Variants in TAF1B observed in about 807,000 individuals in gnomAD.
TAF1B encodes TATA-box binding protein associated factor, RNA polymerase I subunit B.
A neutral mutation model predicts 83.9 loss-of-function variants in TAF1B; 61 were observed. That is an observed-to-expected ratio of 0.73 (90% CI 0.59 to 0.90). The LOEUF is 0.90. Ranked by LOEUF, TAF1B falls within the 40% of genes least tolerant of loss-of-function variation. The probability of loss-of-function intolerance (pLI) is 0.00; values close to 1 mark genes in which losing one functional copy is unlikely to be tolerated. For missense variants in TAF1B, 625 were observed against 677.0 expected (o/e 0.92, Z 0.85); for synonymous variants, 221 against 224.6 (o/e 0.98, Z 0.14).
At chr2:9,861,327 T>TG (rs1437384703) in intron 5 of TAF1B, among the ~76,000 whole-genome samples, 1 of 152,244 alleles carries the variant, frequency 6.6e-6, no homozygotes, top group Non-Finnish European at 1.5e-5. Flanking sequence ...GAGGGTGCTA[T>TG]GCCCATGGAG....
intron 8 of TAF1B, among the ~76,000 whole-genome samples, chr2:9,887,591 C>A (rs1034146357): frequency 6.6e-6 from 1 of 151,794 alleles, no homozygotes; most frequent in South Asian, 2.1e-4. Flanking sequence ...TTTTTCCAAT[C>A]TTTTATTTTT....
rs1177885587 is a variant in TAF1B, at chr2:9,931,341, G to A, written c.1566-2442G>A. On this transcript the variant is annotated intron_variant, in intron 14 of 14. Coordinates refer to ENST00000263663, the MANE Select transcript of TAF1B (RefSeq NM_005680.3). ...TTTCCATGTTTAGTGCTTCCTTCAG[G>A]AGCTCTTGTAAGGCAGGCCTGGTGG... Among the ~76,000 whole-genome samples the A allele has an allele frequency of 4.6e-5, 7 of 152,094 alleles. No individual in the cohort carries two copies. In the East Asian group the frequency reaches 1.3e-3, roughly 29 times the overall value.
intron 2 of TAF1B, chr2:9,845,741 G>T: frequency 4.0e-6 from 1 of 251,812 alleles, no homozygotes; most frequent in Non-Finnish European, 7.8e-6. Flanking sequence ...CCAGCACTTT[G>T]GGAGGCTAAG....
intron 3 of TAF1B, 116 bp from the exon 4 acceptor site, chr2:9,851,425 T>C (rs62129897): frequency 2.6e-6 from 2 of 762,142 alleles, no homozygotes; most frequent in Non-Finnish European, 4.0e-6. Flanking sequence ...TCTGGGTTAA[T>C]TGAAAAAAAA....
At position 9,933,827 on chromosome 2, in the gene TAF1B, T is replaced by C. The variant is rs752383917; in HGVS notation, c.1610T>C (p.Leu537Pro). The C allele has an allele frequency of 6.2e-7, 1 of 1,613,822 alleles. No homozygotes were observed. Among genetic ancestry groups the C allele is most frequent in the Non-Finnish European group, 8.5e-7 (1 of 1,179,862 alleles). The change falls in exon 15 of 15, where the codon CTG (leucine) becomes CCG (proline). Residue 537 changes from leucine to proline, a missense_variant. Coordinates refer to ENST00000263663, the MANE Select transcript of TAF1B (RefSeq NM_005680.3). ...ACCTATGAAGAATCAAATTATTCTC[T>C]GAGTTATCAGTTTATACTAAATCTC... ...VTTYEESNYS[L>P]SYQFILNLFS...
intron 5 of TAF1B, among the ~76,000 whole-genome samples, chr2:9,859,637 C>G (rs1663686996): frequency 1.3e-5 from 2 of 152,122 alleles, no homozygotes; most frequent in Non-Finnish European, 2.9e-5. Flanking sequence ...AGGCCCACCT[C>G]CACCTCTCAA....
chr2:9,921,237 G>T (rs1184899494), intron 14 of TAF1B, among the ~76,000 whole-genome samples: 1 of 152,048 alleles, frequency 6.6e-6, no homozygotes, highest in African/African-American at 2.4e-5. Flanking sequence ...AACTACACGT[G>T]TGCACCACCA....
chr2:9,884,584 G>A (rs1664614255), intron 8 of TAF1B, among the ~76,000 whole-genome samples: 1 of 152,218 alleles, frequency 6.6e-6, no homozygotes. Flanking sequence ...TCAGCTCCTA[G>A]CAGAAAGGAG....
At chr2:9,897,242 C>A (rs1665045753) in intron 8 of TAF1B, among the ~76,000 whole-genome samples, 1 of 152,116 alleles carries the variant, frequency 6.6e-6, no homozygotes, top group South Asian at 2.1e-4. Flanking sequence ...GTATTAGATA[C>A]AATTTATTCT....
intron 14 of TAF1B, among the ~76,000 whole-genome samples, chr2:9,930,023 G>A (rs1339411385): frequency 3.3e-5 from 5 of 152,118 alleles, no homozygotes; most frequent in Admixed American, 3.3e-4. Flanking sequence ...TGTGGGATCG[G>A]TGGTGATATC....
intron 4 of TAF1B, 44 bp from the exon 5 acceptor site, chr2:9,854,281 TG>T: frequency 7.2e-7 from 1 of 1,380,358 alleles, no homozygotes; most frequent in African/African-American, 1.4e-5. Flanking sequence ...GTACATTTGT[TG>T]TCATAACCTG....
chr2:9,854,434 T>C lies in TAF1B; in HGVS notation c.399+13T>C, dbSNP rs772496942. The stretch of plus-strand genomic sequence containing the variant: ...AAGGAAACCTACGGTAAGTCACAAG[T>C]CTGAAAAGTTGGATTAAAAAACATG... On this transcript the variant is annotated intron_variant, in intron 5 of 14. Coordinates refer to ENST00000263663, the MANE Select transcript of TAF1B (RefSeq NM_005680.3). 6.3e-7 allele frequency: 1 copy of C among 1,599,282 alleles called. No homozygotes were observed. The highest frequency in any genetic ancestry group is 8.6e-7 in the Non-Finnish European group (1 of 1,166,658).
intron 12 of TAF1B, among the ~76,000 whole-genome samples, chr2:9,917,205 G>T (rs1469063159): frequency 1.3e-5 from 2 of 151,962 alleles, no homozygotes; most frequent in Admixed American, 1.3e-4. Flanking sequence ...GTCAACATCT[G>T]TTTTATGTAT....
intron 14 of TAF1B, among the ~76,000 whole-genome samples, chr2:9,925,372 G>A (rs13008907): frequency 0.51 from 77,228 of 151,368 alleles, 22,740 homozygotes; most frequent in Non-Finnish European, 0.68. Context: ...CCCGGGAGGC[G>A]GAGCTTGCAG....
intron 8 of TAF1B, among the ~76,000 whole-genome samples, chr2:9,904,153 A>G (rs1558259557): frequency 6.6e-6 from 1 of 152,014 alleles, no homozygotes; most frequent in Non-Finnish European, 1.5e-5. Context: ...CAAGGGGCAC[A>G]TGGGCAGGTT....
chr2:9,852,169 G>A (rs746026246), intron 4 of TAF1B: 1 of 387,200 alleles, frequency 2.6e-6, no homozygotes, highest in Admixed American at 3.1e-5. Context: ...TTCTGAGTTA[G>A]TATGTCTGGA....
chr2:9,854,439 A>G lies in TAF1B; in HGVS notation c.399+18A>G. The G allele has an allele frequency of 6.3e-7, 1 of 1,587,756 alleles. No individual in the cohort carries two copies. Among genetic ancestry groups the G allele is most frequent in the Non-Finnish European group, 8.6e-7 (1 of 1,156,210 alleles). On this transcript the variant is annotated intron_variant, in intron 5 of 14. Coordinates refer to ENST00000263663, the MANE Select transcript of TAF1B (RefSeq NM_005680.3). ...AACCTACGGTAAGTCACAAGTCTGA[A>G]AAGTTGGATTAAAAAACATGTCTGT... is the stretch of plus-strand genomic sequence containing the variant.
intron 4 of TAF1B, chr2:9,852,001 CA>C: frequency 2.1e-6 from 1 of 479,338 alleles, no homozygotes. Flanking sequence ...AATTTGAGAA[CA>C]AAATCGTTTG....
At chr2:9,907,636 A>C (rs565807941) in intron 9 of TAF1B, among the ~76,000 whole-genome samples, 1 of 151,996 alleles carries the variant, frequency 6.6e-6, no homozygotes, top group Non-Finnish European at 1.5e-5. Flanking sequence ...ACCCTCTACT[A>C]TGGTTCCTCC....
Sources: allele counts gnomAD v4.1 joint callset (sites outside exome capture counted in the v4.1 genomes callset), GRCh38; gene constraint gnomAD v4.1.1; transcripts MANE v1.5; gene names NCBI Gene and HGNC (gene_info 2026-07-23, HGNC 2026-07-21).